Variants in FTCDNL1 observed in about 807,000 individuals in gnomAD.
FTCDNL1 encodes the protein formiminotransferase cyclodeaminase N-terminal like.
FTCDNL1 carries 11 observed loss-of-function variants against 5.9 expected under a neutral mutation model. The observed-to-expected ratio is 1.87, with a 90% confidence interval of 1.18 to 3.10. FTCDNL1 has a LOEUF of 3.10. FTCDNL1 is among the 30% of genes most tolerant of loss of function. The probability of loss-of-function intolerance (pLI) is 0.00; values close to 1 mark genes in which losing one functional copy is unlikely to be tolerated. For synonymous variants in FTCDNL1, 58 were observed against 24.8 expected (o/e 2.34, Z -3.99); for missense variants, 115 against 65.5 (o/e 1.76, Z -2.61).
the FTCDNL1 span, among the ~76,000 whole-genome samples, chr2:199,698,249 A>T: frequency 6.6e-6 from 1 of 152,194 alleles, no homozygotes; most frequent in Non-Finnish European, 1.5e-5. Flanking sequence ...TAACAGAGCT[A>T]TTGAGGACCT....
chr2:199,750,166 C>A, the FTCDNL1 span, among the ~76,000 whole-genome samples: 2 of 151,416 alleles, frequency 1.3e-5, no homozygotes, highest in Non-Finnish European at 2.9e-5. Flanking sequence ...CCAGCCTGGG[C>A]AACATGGCAA....
chr2:199,794,379 G>A (rs1304604731), intron 3 of FTCDNL1, among the ~76,000 whole-genome samples: 2 of 152,174 alleles, frequency 1.3e-5, no homozygotes, highest in Non-Finnish European at 2.9e-5. Flanking sequence ...GATGGATTAT[G>A]CGGATCAGTG....
intron 3 of FTCDNL1, among the ~76,000 whole-genome samples, chr2:199,785,017 C>T (rs1699563424): frequency 6.6e-6 from 1 of 151,988 alleles, no homozygotes; most frequent in Non-Finnish European, 1.5e-5. Flanking sequence ...ATTCTATTCC[C>T]CTGAAACTAA....
the FTCDNL1 span, among the ~76,000 whole-genome samples, chr2:199,708,583 G>C: frequency 2.0e-3 from 312 of 152,240 alleles, no homozygotes; most frequent in Non-Finnish European, 3.8e-3. Flanking sequence ...TTCAAGGTTT[G>C]TTCTCAGTCT....
At chr2:199,766,820 C>T (rs1698560386) in intron 3 of FTCDNL1, among the ~76,000 whole-genome samples, 1 of 152,110 alleles carries the variant, frequency 6.6e-6, no homozygotes, top group African/African-American at 2.4e-5. Context: ...GAATGAAAAT[C>T]CCTAAAGAAT....
chr2:199,844,454 A>G (rs1212041802), intron 3 of FTCDNL1: 2 of 666,606 alleles, frequency 3.0e-6, no homozygotes, highest in Non-Finnish European at 2.8e-6. Context: ...CACTGCTCCC[A>G]GGCAAGGGTG....
At chr2:199,766,573 T>C (rs1038321645) in intron 3 of FTCDNL1, among the ~76,000 whole-genome samples, 6 of 152,218 alleles carry the variant, frequency 3.9e-5, no homozygotes, top group African/African-American at 1.4e-4. Flanking sequence ...AATCACAACA[T>C]ACTATATTAA....
intron 3 of FTCDNL1, among the ~76,000 whole-genome samples, chr2:199,785,849 C>T (rs1049847622): frequency 6.6e-6 from 1 of 152,102 alleles, no homozygotes; most frequent in South Asian, 2.1e-4. Flanking sequence ...ATCAGTGGTC[C>T]CCAAACTTTT....
the FTCDNL1 span, among the ~76,000 whole-genome samples, chr2:199,715,549 T>C: frequency 6.8e-4 from 103 of 152,326 alleles, 1 homozygote; most frequent in Non-Finnish European, 1.9e-4. Flanking sequence ...TGGGGAACTG[T>C]AAGTCCATCA....
At chr2:199,799,776 C>T (rs564358358) in intron 3 of FTCDNL1, among the ~76,000 whole-genome samples, 2 of 152,284 alleles carry the variant, frequency 1.3e-5, no homozygotes, top group East Asian at 3.9e-4. Context: ...TTATCAGCTG[C>T]ACAACCCTAA....
chr2:199,693,326 CA>C, the FTCDNL1 span, among the ~76,000 whole-genome samples: 1 of 152,178 alleles, frequency 6.6e-6, no homozygotes, highest in East Asian at 1.9e-4. Context: ...TCTCACAATA[CA>C]AAAACAAAAC....
At chr2:199,766,308 G>T (rs530442211) in intron 3 of FTCDNL1, among the ~76,000 whole-genome samples, 4 of 152,286 alleles carry the variant, frequency 2.6e-5, no homozygotes, top group Middle Eastern at 3.4e-3. Context: ...ATAAACACTT[G>T]TAAAGATTAT....
intron 3 of FTCDNL1, among the ~76,000 whole-genome samples, chr2:199,826,488 C>CA (rs35457727): frequency 8.2e-4 from 99 of 121,146 alleles, no homozygotes; most frequent in Non-Finnish European, 1.1e-3. Flanking sequence ...ATTTCTCAGT[C>CA]AAAAAAAAAA....
intron 2 of FTCDNL1, among the ~76,000 whole-genome samples, chr2:199,846,696 G>A (rs912056228): frequency 9.9e-5 from 15 of 152,154 alleles, no homozygotes; most frequent in Admixed American, 3.3e-4. Context: ...TCTCCTTTTC[G>A]GAGGCCACCA....
At chr2:199,764,507 G>C (rs1698419741) in intron 3 of FTCDNL1, among the ~76,000 whole-genome samples, 1 of 152,118 alleles carries the variant, frequency 6.6e-6, no homozygotes, top group Non-Finnish European at 1.5e-5. Flanking sequence ...CTCCCCCAAA[G>C]CCTTCATTTT....
chr2:199,801,927 G>C (rs1224624939), intron 3 of FTCDNL1, among the ~76,000 whole-genome samples: 1 of 144,948 alleles, frequency 6.9e-6, no homozygotes, highest in Non-Finnish European at 1.5e-5. Context: ...GACAGAGCGA[G>C]ACTCCATCTC....
chr2:199,752,144 A>C, the FTCDNL1 span, among the ~76,000 whole-genome samples: 8 of 151,726 alleles, frequency 5.3e-5, no homozygotes, highest in Non-Finnish European at 1.2e-4. Flanking sequence ...ATTCCTTCTC[A>C]CCTGTCTCCT....
At chr2:199,666,841 G>A in the FTCDNL1 span, among the ~76,000 whole-genome samples, 1 of 151,868 alleles carries the variant, frequency 6.6e-6, no homozygotes, top group African/African-American at 2.4e-5. Flanking sequence ...GACCCCAGGA[G>A]GCGAGGTTGC....
intron 3 of FTCDNL1, among the ~76,000 whole-genome samples, chr2:199,790,357 G>C (rs986618291): frequency 2.0e-5 from 3 of 152,016 alleles, no homozygotes; most frequent in African/African-American, 7.2e-5. Flanking sequence ...AATTAGCTGG[G>C]CATAGTGATG....
Sources: gnomAD v4.1 joint callset for allele counts (sites outside exome capture counted in the v4.1 genomes callset) on GRCh38, gnomAD v4.1.1 for gene constraint, MANE v1.5 for transcripts, NCBI Gene and HGNC (gene_info 2026-07-23, HGNC 2026-07-21) for gene names.